Variants in NWD2 observed in about 807,000 individuals in gnomAD.
NWD2 encodes NACHT and WD repeat domain-containing protein 2.
NWD2 carries 37 observed loss-of-function variants against 132.7 expected under a neutral mutation model. That is an observed-to-expected ratio of 0.28 (90% CI 0.21 to 0.37). NWD2 has a LOEUF of 0.37. Among genes scored for constraint, NWD2 ranks in the 10% least tolerant of loss-of-function variants. The pLI is 1.00. For missense variants in NWD2, 1,592 were observed against 2,122.4 expected, an observed-to-expected ratio of 0.75 and a Z score of 4.91; for synonymous variants, 705 against 803.0, an observed-to-expected ratio of 0.88 and a Z score of 2.06.
chr4:37,277,257 G>C (rs1403409797), intron 1 of NWD2, among the ~76,000 whole-genome samples: 1 of 151,962 alleles, frequency 6.6e-6, no homozygotes, highest in Non-Finnish European at 1.5e-5. Flanking sequence ...ATGTCCCGGT[G>C]TGAATCTCTT....
At chr4:37,267,580 G>T (rs1288064448) in intron 1 of NWD2, among the ~76,000 whole-genome samples, 1 of 151,888 alleles carries the variant, frequency 6.6e-6, no homozygotes, top group Non-Finnish European at 1.5e-5. Flanking sequence ...CCTCACCCAC[G>T]GATGCATCTA....
intron 2 of NWD2, among the ~76,000 whole-genome samples, chr4:37,355,275 A>T (rs560680559): frequency 9.8e-5 from 15 of 152,298 alleles, no homozygotes; most frequent in African/African-American, 3.6e-4. Flanking sequence ...CAAAATGCTG[A>T]TATTTTCATA....
chr4:37,246,089 T>C (rs1418454683), intron 1 of NWD2, among the ~76,000 whole-genome samples: 8 of 152,140 alleles, frequency 5.3e-5, no homozygotes, highest in Non-Finnish European at 1.0e-4. Context: ...ACTGCAGGAA[T>C]TGCTCTTTTC....
At chr4:37,278,701 G>T (rs796728488) in intron 1 of NWD2, among the ~76,000 whole-genome samples, 1 of 151,976 alleles carries the variant, frequency 6.6e-6, no homozygotes, top group Non-Finnish European at 1.5e-5. Flanking sequence ...CATTTTCTTG[G>T]GCCATTTATC....
intron 3 of NWD2, among the ~76,000 whole-genome samples, chr4:37,390,562 A>C (rs1289728856): frequency 6.6e-6 from 1 of 152,142 alleles, no homozygotes; most frequent in Non-Finnish European, 1.5e-5. Context: ...GTTCTGATTT[A>C]TTTGGTCTCT....
chr4:37,249,993 CA>C (rs1717319504), intron 1 of NWD2, among the ~76,000 whole-genome samples: 1 of 152,188 alleles, frequency 6.6e-6, no homozygotes, highest in African/African-American at 2.4e-5. Flanking sequence ...CTTCCCCACA[CA>C]AAAGGCAGAC....
chr4:37,399,712 G>C (rs1195756248), intron 3 of NWD2, among the ~76,000 whole-genome samples: 1 of 152,088 alleles, frequency 6.6e-6, no homozygotes, highest in East Asian at 1.9e-4. Flanking sequence ...CTTAATTTCT[G>C]TAAGTTTCTT....
intron 1 of NWD2, among the ~76,000 whole-genome samples, chr4:37,283,669 G>A (rs1178695476): frequency 6.6e-6 from 1 of 152,122 alleles, no homozygotes; most frequent in Non-Finnish European, 1.5e-5. Context: ...TATTAATGAG[G>A]ATCACATAGA....
At chr4:37,306,883 G>A (rs757794772) in intron 1 of NWD2, among the ~76,000 whole-genome samples, 1 of 152,072 alleles carries the variant, frequency 6.6e-6, no homozygotes, top group Non-Finnish European at 1.5e-5. Context: ...AATTAGCCAG[G>A]CGTGGTGGCA....
At chr4:37,394,810 T>TTTGTTTTG (rs1472126927) in intron 3 of NWD2, among the ~76,000 whole-genome samples, 1 of 121,428 alleles carries the variant, frequency 8.2e-6, no homozygotes, top group Non-Finnish European at 1.7e-5. Flanking sequence ...TTTTTTTTTT[T>TTTGTTTTG]TTTTTTTTTT....
chr4:37,366,714 A>G (rs1720105150), intron 3 of NWD2, among the ~76,000 whole-genome samples: 3 of 152,156 alleles, frequency 2.0e-5, no homozygotes, highest in Admixed American at 2.0e-4. Flanking sequence ...AATTACATCA[A>G]TATCATATAG....
At position 37,283,416 on chromosome 4, in the gene NWD2, C is replaced by G. The variant is rs1718167761; in HGVS notation, c.151+38198C>G. Among the ~76,000 whole-genome samples the G allele has an allele frequency of 2.0e-5, 3 of 152,046 alleles. 1 individual carries two copies. Among genetic ancestry groups the G allele is most frequent in the Admixed American group, 2.0e-4 (3 of 15,262 alleles). On this transcript the variant is annotated intron_variant, in intron 1 of 6. Coordinates refer to ENST00000309447, the MANE Select transcript of NWD2 (RefSeq NM_001144990.2). Reference sequence around the variant, plus strand: ...AGTATGTCTGTATATGTTACCTAAGCCTTCTTAATGACACTGGGAGATTTT... The same window carrying G: ...AGTATGTCTGTATATGTTACCTAAGGCTTCTTAATGACACTGGGAGATTTT...
At chr4:37,267,691 GTTCT>G (rs1364115308) in intron 1 of NWD2, among the ~76,000 whole-genome samples, 2 of 151,818 alleles carry the variant, frequency 1.3e-5, no homozygotes, top group Non-Finnish European at 2.9e-5. Context: ...GTCTTAATGT[GTTCT>G]TTAAGACAAA....
At chr4:37,398,525 G>A (rs75150605) in intron 3 of NWD2, among the ~76,000 whole-genome samples, 1,822 of 152,218 alleles carry the variant, frequency 0.012, 42 homozygotes, top group African/African-American at 0.042. Flanking sequence ...CCTACATGCC[G>A]GGTTCATAGG....
chr4:37,281,891 C>A (rs754319807), intron 1 of NWD2, among the ~76,000 whole-genome samples: 1 of 152,120 alleles, frequency 6.6e-6, no homozygotes. Context: ...AATACACAAA[C>A]AATAACACTC....
chr4:37,333,877 A>G (rs1394831091), intron 2 of NWD2, among the ~76,000 whole-genome samples: 2 of 152,126 alleles, frequency 1.3e-5, no homozygotes, highest in African/African-American at 2.4e-5. Flanking sequence ...ATAAATTGGT[A>G]TAATTTGAAA....
chr4:37,362,810 T>C (rs896848451), intron 3 of NWD2, among the ~76,000 whole-genome samples: 4 of 152,134 alleles, frequency 2.6e-5, no homozygotes, highest in African/African-American at 2.4e-5. Flanking sequence ...AATTGACAAG[T>C]GGTACCTAAT....
At chr4:37,380,138 T>TA in intron 3 of NWD2, among the ~76,000 whole-genome samples, 1 of 152,378 alleles carries the variant, frequency 6.6e-6, no homozygotes, top group East Asian at 1.9e-4. Flanking sequence ...CAGGTATTGT[T>TA]ATACCAATTT....
intron 1 of NWD2, among the ~76,000 whole-genome samples, chr4:37,311,574 T>C (rs887980686): frequency 1.3e-5 from 2 of 149,146 alleles, no homozygotes; most frequent in African/African-American, 5.2e-5. Context: ...TTTTCTCCCA[T>C]TTTGTAGGTT....
Sources: gnomAD v4.1 joint callset for allele counts (sites outside exome capture counted in the v4.1 genomes callset) on GRCh38, gnomAD v4.1.1 for gene constraint, MANE v1.5 for transcripts, NCBI Gene and HGNC (gene_info 2026-07-23, HGNC 2026-07-21) for gene names.